CNTNAP5: variants seen among roughly 807,000 people sequenced by gnomAD.
CNTNAP5 encodes contactin-associated protein-like 5.
A neutral mutation model predicts 150.2 loss-of-function variants in CNTNAP5; 72 were observed. The observed-to-expected ratio is 0.48, with a 90% CI of 0.40 to 0.58. The LOEUF (loss-of-function observed/expected upper bound fraction) is 0.58. Among genes scored for constraint, CNTNAP5 ranks in the 20% least tolerant of loss-of-function variants. The probability of loss-of-function intolerance (pLI) is 0.00; values close to 1 mark genes in which losing one functional copy is unlikely to be tolerated. For missense variants in CNTNAP5, 1,636 were observed against 1,626.2 expected, an observed-to-expected ratio of 1.01 and a Z score of -0.10; for synonymous variants, 672 against 619.8, an observed-to-expected ratio of 1.08 and a Z score of -1.25.
chr2:124,180,294 C>T (rs1349054330), intron 1 of CNTNAP5, among the ~76,000 whole-genome samples: 3 of 152,110 alleles, frequency 2.0e-5, no homozygotes, highest in African/African-American at 7.2e-5. Context: ...GAATCTATTT[C>T]CTGCTTGTTT....
intron 19 of CNTNAP5, among the ~76,000 whole-genome samples, chr2:124,811,065 C>T (rs1327141005): frequency 6.6e-6 from 1 of 152,122 alleles, no homozygotes; most frequent in Non-Finnish European, 1.5e-5. Context: ...AGCTTTATCA[C>T]TTGCATGCAT....
chr2:124,733,312 T>C (rs561666163), intron 13 of CNTNAP5, among the ~76,000 whole-genome samples: 15 of 152,296 alleles, frequency 9.8e-5, no homozygotes, highest in African/African-American at 3.6e-4. Flanking sequence ...TAAGATAGTA[T>C]GCAGTCAGTC....
intron 13 of CNTNAP5, among the ~76,000 whole-genome samples, chr2:124,696,948 G>T (rs1679417842): frequency 6.6e-6 from 1 of 152,010 alleles, no homozygotes; most frequent in South Asian, 2.1e-4. Context: ...ATAACTTTGT[G>T]GGAAAGTAAG....
intron 21 of CNTNAP5, among the ~76,000 whole-genome samples, chr2:124,885,549 T>TCACA (rs3980831): frequency 0.017 from 2,458 of 145,338 alleles, 28 homozygotes; most frequent in African/African-American, 0.045. Context: ...AACATTTTCA[T>TCACA]CACACACACA....
intron 19 of CNTNAP5, among the ~76,000 whole-genome samples, chr2:124,851,628 G>T (rs1683158890): frequency 6.6e-6 from 1 of 152,162 alleles, no homozygotes; most frequent in Admixed American, 6.5e-5. Flanking sequence ...GGACTTTGTG[G>T]TTCTTTTACA....
At chr2:124,354,579 T>C (rs1459692367) in intron 3 of CNTNAP5, among the ~76,000 whole-genome samples, 1 of 152,198 alleles carries the variant, frequency 6.6e-6, no homozygotes, top group Non-Finnish European at 1.5e-5. Context: ...TTTGGATTGA[T>C]GGCCACAGAA....
intron 3 of CNTNAP5, among the ~76,000 whole-genome samples, chr2:124,350,235 C>A (rs1689844332): frequency 6.6e-6 from 1 of 151,994 alleles, no homozygotes; most frequent in African/African-American, 2.4e-5. Flanking sequence ...AAATTTGCTG[C>A]CAGTAATAGT....
chr2:124,517,233 G>A (rs1270078846), intron 8 of CNTNAP5, among the ~76,000 whole-genome samples: 1 of 151,242 alleles, frequency 6.6e-6, no homozygotes, highest in Non-Finnish European at 1.5e-5. Flanking sequence ...TGTGGTATTA[G>A]TGATGGGAGA....
At chr2:124,888,461 C>T (rs1018879074) in intron 21 of CNTNAP5, among the ~76,000 whole-genome samples, 1 of 151,978 alleles carries the variant, frequency 6.6e-6, no homozygotes, top group Non-Finnish European at 1.5e-5. Flanking sequence ...TTAATATATA[C>T]CTAGTAATGG....
chr2:124,900,258 T>C (rs964219856), intron 21 of CNTNAP5, among the ~76,000 whole-genome samples: 2 of 151,624 alleles, frequency 1.3e-5, no homozygotes, highest in Admixed American at 1.3e-4. Flanking sequence ...GCTTTAAAAG[T>C]ATTGTTTTTA....
chr2:124,455,672 C>A (rs189478459), intron 6 of CNTNAP5, among the ~76,000 whole-genome samples: 1 of 151,392 alleles, frequency 6.6e-6, no homozygotes, highest in Non-Finnish European at 1.5e-5. Context: ...CTTAGCTAAA[C>A]GCTAGCTAAC....
intron 12 of CNTNAP5, among the ~76,000 whole-genome samples, chr2:124,618,441 A>G (rs58549076): frequency 0.012 from 1,807 of 152,044 alleles, 29 homozygotes; most frequent in African/African-American, 0.041. Flanking sequence ...TGTAGGGACT[A>G]TAGCACAGAG....
At chr2:124,317,046 G>A (rs1688984798) in intron 3 of CNTNAP5, among the ~76,000 whole-genome samples, 1 of 152,014 alleles carries the variant, frequency 6.6e-6, no homozygotes, top group African/African-American at 2.4e-5. Flanking sequence ...TGCAGTGGGT[G>A]CTATGCAGCA....
chr2:124,685,526 G>A (rs1025692810), intron 13 of CNTNAP5, among the ~76,000 whole-genome samples: 20 of 152,102 alleles, frequency 1.3e-4, no homozygotes, highest in African/African-American at 4.6e-4. Context: ...ATGACTTAAG[G>A]TAGTGAAAAT....
At chr2:124,725,416 C>T (rs189455873) in intron 13 of CNTNAP5, among the ~76,000 whole-genome samples, 7 of 151,906 alleles carry the variant, frequency 4.6e-5, no homozygotes, top group Admixed American at 2.0e-4. Flanking sequence ...TCCATGACCT[C>T]ACATAGTTTC....
chr2:124,581,597 T>C (rs2104949392), intron 11 of CNTNAP5, among the ~76,000 whole-genome samples: 1 of 152,282 alleles, frequency 6.6e-6, no homozygotes, highest in East Asian at 1.9e-4. Context: ...GAGCAAAAAT[T>C]GGAAAACTTC....
chr2:124,705,304 G>A (rs1396745552), intron 13 of CNTNAP5, among the ~76,000 whole-genome samples: 1 of 152,052 alleles, frequency 6.6e-6, no homozygotes, highest in Non-Finnish European at 1.5e-5. Flanking sequence ...GAGGCAGGGG[G>A]ATCACCTGAG....
At chr2:124,800,078 G>A (rs1244795979) in intron 19 of CNTNAP5, among the ~76,000 whole-genome samples, 1 of 152,196 alleles carries the variant, frequency 6.6e-6, no homozygotes, top group Non-Finnish European at 1.5e-5. Flanking sequence ...GAGGCATGGA[G>A]AAGTTCAGTA....
chr2:124,329,296 A>C (rs902808594), intron 3 of CNTNAP5, among the ~76,000 whole-genome samples: 2 of 152,176 alleles, frequency 1.3e-5, no homozygotes, highest in Non-Finnish European at 2.9e-5. Context: ...TTCTTTTCTC[A>C]GGTGGTTAAT....
Sources: allele counts gnomAD v4.1 joint callset (sites outside exome capture counted in the v4.1 genomes callset), GRCh38; gene constraint gnomAD v4.1.1; transcripts MANE v1.5; gene names NCBI Gene and HGNC (gene_info 2026-07-23, HGNC 2026-07-21).